Variants in ABCB5 observed in about 807,000 individuals in gnomAD.
ABCB5 encodes ATP-binding cassette sub-family B member 5.
A neutral mutation model predicts 144.2 loss-of-function variants in ABCB5; 155 were observed. The observed-to-expected ratio is 1.08, with a 90% CI of 0.94 to 1.23. The LOEUF (loss-of-function observed/expected upper bound fraction) is 1.23, where lower values mean the gene tolerates loss of function less well. Among genes scored for constraint, ABCB5 ranks in the 50% most tolerant of loss-of-function variants. ABCB5 has a pLI of 0.00. For missense variants in ABCB5, 1,830 were observed against 1,520.8 expected, an observed-to-expected ratio of 1.20 and a Z score of -3.38; for synonymous variants, 610 against 528.6, an observed-to-expected ratio of 1.15 and a Z score of -2.11.
At chr7:20,640,754 A>T (rs907837019) in intron 5 of ABCB5, among the ~76,000 whole-genome samples, 4 of 152,212 alleles carry the variant, frequency 2.6e-5, no homozygotes, top group African/African-American at 9.6e-5. Flanking sequence ...TTAGAAAAAA[A>T]ACTTTAGCAA....
intron 23 of ABCB5, among the ~76,000 whole-genome samples, chr7:20,729,735 A>C (rs1782149798): frequency 6.6e-6 from 1 of 152,198 alleles, no homozygotes; most frequent in Non-Finnish European, 1.5e-5. Flanking sequence ...ACATTATGTT[A>C]TTTTTAACAA....
At chr7:20,680,940 A>T (rs913094310) in intron 14 of ABCB5, among the ~76,000 whole-genome samples, 1 of 150,778 alleles carries the variant, frequency 6.6e-6, no homozygotes, top group African/African-American at 2.4e-5. Flanking sequence ...TGCAACAAAG[A>T]TTTCTTCTTT....
At chr7:20,635,650 A>T (rs560495516) in intron 5 of ABCB5, among the ~76,000 whole-genome samples, 3 of 151,992 alleles carry the variant, frequency 2.0e-5, no homozygotes, top group South Asian at 4.1e-4. Context: ...ATTCTTAGAT[A>T]TTTTTTGTAG....
At chr7:20,731,241 C>T (rs1011772380) in intron 23 of ABCB5, among the ~76,000 whole-genome samples, 4 of 151,372 alleles carry the variant, frequency 2.6e-5, no homozygotes, top group African/African-American at 7.3e-5. Flanking sequence ...GTAATCCCAT[C>T]TACTTGGGAG....
chr7:20,720,898 C>T (rs888962421), intron 20 of ABCB5, among the ~76,000 whole-genome samples: 1 of 136,978 alleles, frequency 7.3e-6, no homozygotes, highest in African/African-American at 2.8e-5. Context: ...GAGTCGAGAT[C>T]GCGCCACTGC....
chr7:20,655,106 G>C lies in ABCB5; in HGVS notation c.1537-3400G>C, dbSNP rs1033576209. On this transcript the variant is annotated intron_variant, in intron 13 of 27. Coordinates refer to ENST00000404938, the MANE Select transcript of ABCB5 (RefSeq NM_001163941.2). Reference sequence around the variant, plus strand: ...AAAAAAGAGAGAGAGAGAGAAAAGAGATGGCCAGTATCAGGAATGAAAGAA... The same window carrying C: ...AAAAAAGAGAGAGAGAGAGAAAAGACATGGCCAGTATCAGGAATGAAAGAA... 2.6e-4 allele frequency among the ~76,000 whole-genome samples: 39 copies of C among 147,742 alleles called. 1 individual carries two copies. The highest frequency in any genetic ancestry group is 9.9e-4 in the African/African-American group (39 of 39,380).
chr7:20,638,790 T>C (rs1382845916), intron 5 of ABCB5, among the ~76,000 whole-genome samples: 1 of 152,202 alleles, frequency 6.6e-6, no homozygotes, highest in Non-Finnish European at 1.5e-5. Context: ...TTTCTACTTT[T>C]TGGCTATTTA....
rs769478445 is a variant in ABCB5 at position 20,623,267 on chromosome 7, G to C, written c.-19G>C. ...CATTTGTTAAAATTGTATTTCAGAAGAAGTAAATTGTAAATAAGATGGAAA... is the reference window on the plus strand; with the variant it reads ...CATTTGTTAAAATTGTATTTCAGAACAAGTAAATTGTAAATAAGATGGAAA... On this transcript the variant is annotated splice_region_variant and 5_prime_UTR_variant, in exon 2 of 28. Coordinates refer to ENST00000404938, the MANE Select transcript of ABCB5 (RefSeq NM_001163941.2). 2 of 1,487,442 alleles carry C rather than the reference G, an allele frequency of 1.3e-6. No individual in the cohort carries two copies. Among genetic ancestry groups the C allele is most frequent in the South Asian group, 2.4e-5 (2 of 82,568 alleles). 92.1% of individuals were successfully genotyped at this position (1,487,442 alleles called of 1,614,324 possible). A position where few individuals can be genotyped will look rare whatever the true frequency, so the allele number is the denominator to read the frequency against.
At position 20,734,521 on chromosome 7, in the gene ABCB5, T is replaced by C. The variant is rs374482241; in HGVS notation, c.2868-4462T>C. 1.5e-3 allele frequency among the ~76,000 whole-genome samples: 224 copies of C among 151,644 alleles called. 2 individuals are homozygous for C. Among genetic ancestry groups the C allele is most frequent in the African/African-American group, 5.0e-3 (205 of 41,296 alleles). Reference sequence around the variant, plus strand: ...TTTATAGCTACAAGGATGGATTATCTGTGTCTCTTTCAAAAATGACATTGT... The same window carrying C: ...TTTATAGCTACAAGGATGGATTATCCGTGTCTCTTTCAAAAATGACATTGT... On this transcript the variant is annotated intron_variant, in intron 23 of 27. Transcript: ENST00000404938.
At chr7:20,628,170 C>A (rs767537750) in intron 3 of ABCB5, among the ~76,000 whole-genome samples, 1 of 152,146 alleles carries the variant, frequency 6.6e-6, no homozygotes, top group Non-Finnish European at 1.5e-5. Context: ...CCTCCCACCC[C>A]ACAACAGGCC....
intron 14 of ABCB5, among the ~76,000 whole-genome samples, chr7:20,668,311 A>G (rs1381845161): frequency 2.1e-5 from 3 of 144,298 alleles, no homozygotes; most frequent in African/African-American, 5.3e-5. Context: ...CCATCTAGGA[A>G]GTGAGGAGCG....
intron 26 of ABCB5, among the ~76,000 whole-genome samples, chr7:20,749,139 T>C (rs1205448577): frequency 1.5e-5 from 2 of 134,116 alleles, no homozygotes; most frequent in Non-Finnish European, 3.3e-5. Flanking sequence ...CCCTTTCTTT[T>C]CCTCCCTCCC....
intron 19 of ABCB5, among the ~76,000 whole-genome samples, chr7:20,700,592 A>T (rs1433221721): frequency 6.6e-6 from 1 of 152,232 alleles, no homozygotes; most frequent in Non-Finnish European, 1.5e-5. Context: ...CCTTTATCAG[A>T]AGAGTCCTGA....
chr7:20,650,382 C>A (rs899783633), intron 12 of ABCB5, among the ~76,000 whole-genome samples: 10 of 152,046 alleles, frequency 6.6e-5, no homozygotes, highest in Non-Finnish European at 1.5e-4. Flanking sequence ...AAAATCTGCC[C>A]TCATGAAGTT....
At chr7:20,720,844 T>G (rs1781839082) in intron 20 of ABCB5, among the ~76,000 whole-genome samples, 1 of 144,490 alleles carries the variant, frequency 6.9e-6, no homozygotes, top group South Asian at 2.1e-4. Context: ...CACGGGAGGC[T>G]GAGGCAGGAG....
rs1782102293 is a variant in ABCB5, at chr7:20,728,332, C to T, written c.2744C>T (p.Ala915Val). Reference protein sequence around the residue: ...QTQHRNTSKKAQIIGSCYAFS... With the variant: ...QTQHRNTSKKVQIIGSCYAFS... ...CATTCCAGAAATACCTCGAAGAAAG[C>T]ACAGATTATTGGAAGCTGTTATGCA... The change falls in exon 23 of 28, where the codon GCA (alanine) becomes GTA (valine). Residue 915 changes from alanine (A) to valine (V), a missense_variant. Ala to Val is a moderately conservative substitution (Grantham distance 64, BLOSUM62 0). Coordinates refer to ENST00000404938, the MANE Select transcript of ABCB5 (RefSeq NM_001163941.2). 1 of 1,613,788 alleles carries T rather than the reference C, an allele frequency of 6.2e-7. No individual in the cohort carries two copies. The highest frequency in any genetic ancestry group is 1.7e-5 in the Admixed American group (1 of 59,960).
intron 14 of ABCB5, among the ~76,000 whole-genome samples, chr7:20,679,627 T>G (rs559143902): frequency 1.4e-3 from 141 of 102,038 alleles, no homozygotes; most frequent in African/African-American, 4.8e-3. Flanking sequence ...AATAGAAAAA[T>G]GAGAAAAAAT....
chr7:20,745,503 TA>T, intron 26 of ABCB5, 65 bp downstream of exon 26: 1 of 1,423,972 alleles, frequency 7.0e-7, no homozygotes, highest in East Asian at 2.3e-5. Flanking sequence ...CTACTGGGCC[TA>T]TGCAGTTGTT....
chr7:20,655,507 G>A (rs1334307563), intron 13 of ABCB5, among the ~76,000 whole-genome samples: 1 of 149,080 alleles, frequency 6.7e-6, no homozygotes, highest in African/African-American at 2.5e-5. Flanking sequence ...AAAAAAGCTA[G>A]ATGTCTAAAT....
Sources: gnomAD v4.1 joint callset for allele counts (sites outside exome capture counted in the v4.1 genomes callset) on GRCh38, gnomAD v4.1.1 for gene constraint, MANE v1.5 for transcripts, NCBI Gene and HGNC (gene_info 2026-07-23, HGNC 2026-07-21) for gene names.